TMC1: variants seen among roughly 807,000 people sequenced by gnomAD.
TMC1 encodes transmembrane channel like 1.
Under a neutral mutation model 105.8 loss-of-function variants are expected in TMC1, and 84 were observed. The ratio of observed to expected loss-of-function variants is 0.79; its 90% confidence interval spans 0.67 to 0.95. The LOEUF (loss-of-function observed/expected upper bound fraction) is 0.95. Among genes scored for constraint, TMC1 ranks in the 40% least tolerant of loss-of-function variants. TMC1 has a pLI of 0.00. For synonymous variants in TMC1, 315 were observed against 311.5 expected (o/e 1.01, Z -0.12); for missense variants, 817 against 914.1 (o/e 0.89, Z 1.37).
chr9:72,748,457 G>A (rs896436309), intron 10 of TMC1, among the ~76,000 whole-genome samples: 1 of 152,110 alleles, frequency 6.6e-6, no homozygotes, highest in Non-Finnish European at 1.5e-5. Context: ...TTAAGTTCTA[G>A]TGGCAGCATA....
chr9:72,787,017 CAA>C (rs79774726), intron 13 of TMC1, among the ~76,000 whole-genome samples: 102 of 101,488 alleles, frequency 1.0e-3, no homozygotes, highest in Non-Finnish European at 1.0e-3. Flanking sequence ...TTTTGGCCTC[CAA>C]AAAAAAAAAA....
intron 8 of TMC1, among the ~76,000 whole-genome samples, chr9:72,725,033 G>T (rs1305958234): frequency 1.3e-5 from 2 of 151,768 alleles, no homozygotes; most frequent in African/African-American, 4.8e-5. Flanking sequence ...GCTGTTTTGG[G>T]GAAGAGTTAT....
Position 72,832,950 on chromosome 9 carries a change from C to T in TMC1, c.2260+2268C>T, listed in dbSNP as rs1034891578. Among the ~76,000 whole-genome samples, 15 of 152,258 alleles carry T rather than the reference C, an allele frequency of 9.9e-5. No homozygotes were observed. In the South Asian group the frequency reaches 3.1e-3, roughly 32 times the overall value. ...TCCCCTGCACTCAAATACCCTAAGA[C>T]AAACACTTTCAATTTGTTAGTTGAT... On this transcript the variant is annotated intron_variant, in intron 23 of 23. Transcript: ENST00000297784.
chr9:72,791,924 A>G lies in TMC1; in HGVS notation c.1263A>G (p.Pro421=), dbSNP rs139985214. Residue 421 remains proline, a synonymous_variant, in exon 16 of 24, where the codon CCA becomes CCG. Coordinates refer to ENST00000297784, the MANE Select transcript of TMC1 (RefSeq NM_138691.3). ...MVMSLLGMFC[P]TLFDLFAELE... ...TGTCCCTCCTAGGGATGTTCTGTCC[A>G]ACATTGTTTGACTTATTTGCTGAAT... 92 of 1,613,472 alleles carry G rather than the reference A, an allele frequency of 5.7e-5. No homozygotes were observed. The Middle Eastern group carries it at 3.7e-3, about 65-fold the overall frequency.
At chr9:72,573,322 A>T (rs917231728) in intron 1 of TMC1, among the ~76,000 whole-genome samples, 12 of 152,214 alleles carry the variant, frequency 7.9e-5, no homozygotes, top group Admixed American at 5.2e-4. Flanking sequence ...AATTCAGAAT[A>T]AAGAACTATA....
intron 3 of TMC1, among the ~76,000 whole-genome samples, chr9:72,620,815 G>A (rs558666563): frequency 2.9e-4 from 44 of 152,186 alleles, no homozygotes; most frequent in African/African-American, 1.0e-3. Flanking sequence ...AAAGAATAAA[G>A]GCAATTGACT....
intron 2 of TMC1, among the ~76,000 whole-genome samples, chr9:72,597,564 G>C (rs997641003): frequency 6.6e-6 from 1 of 152,122 alleles, no homozygotes; most frequent in Admixed American, 6.5e-5. Flanking sequence ...TCTTACCCTG[G>C]GTCCTGAGTA....
intron 1 of TMC1, among the ~76,000 whole-genome samples, chr9:72,530,128 C>T (rs1299725498): frequency 2.0e-5 from 3 of 152,076 alleles, no homozygotes; most frequent in South Asian, 2.1e-4. Flanking sequence ...AATCCCAGGT[C>T]GGTGTGGGAG....
chr9:72,663,130 A>G (rs559703101), intron 5 of TMC1, among the ~76,000 whole-genome samples: 1 of 152,338 alleles, frequency 6.6e-6, no homozygotes, highest in Non-Finnish European at 1.5e-5. Flanking sequence ...TTGAAGGGCC[A>G]GGGAATGGTG....
At chr9:72,656,048 T>C (rs1825879884) in intron 5 of TMC1, 1 of 721,920 alleles carries the variant, frequency 1.4e-6, no homozygotes. Flanking sequence ...CTTTTCACTT[T>C]GAGATTCTTT....
Position 72,705,108 on chromosome 9 carries a change from A to T in TMC1, c.362+4465A>T, listed in dbSNP as rs370991460. 1.6e-3 allele frequency among the ~76,000 whole-genome samples: 237 copies of T among 152,316 alleles called. 2 individuals carry two copies. The highest frequency in any genetic ancestry group is 5.6e-3 in the African/African-American group (232 of 41,578). On this transcript the variant is annotated intron_variant, in intron 8 of 23. Coordinates refer to ENST00000297784, the MANE Select transcript of TMC1 (RefSeq NM_138691.3). ...ATGGGTTTAATTCAGAGGCTGTATG[A>T]CTAGATCTTTCCTACCTATAAGAGG...
intron 15 of TMC1, 89 bp downstream of exon 15, chr9:72,789,406 C>A: frequency 1.6e-6 from 2 of 1,248,546 alleles, no homozygotes; most frequent in Admixed American, 1.7e-5. Flanking sequence ...TTTAAAAAGG[C>A]CACCCTTTAC....
intron 4 of TMC1, among the ~76,000 whole-genome samples, chr9:72,632,733 C>T (rs530490698): frequency 1.3e-5 from 2 of 152,126 alleles, no homozygotes; most frequent in South Asian, 4.1e-4. Context: ...AAAAATGCTG[C>T]AATAACATTC....
At chr9:72,784,094 TGCA>T (rs1252293631) in intron 13 of TMC1, among the ~76,000 whole-genome samples, 1 of 152,140 alleles carries the variant, frequency 6.6e-6, no homozygotes, top group Non-Finnish European at 1.5e-5. Flanking sequence ...AAAGAACTTC[TGCA>T]CAGCAAAAGA....
At chr9:72,789,875 G>GCATCTC (rs1258608267) in intron 15 of TMC1, among the ~76,000 whole-genome samples, 1 of 152,170 alleles carries the variant, frequency 6.6e-6, no homozygotes, top group Non-Finnish European at 1.5e-5. Flanking sequence ...CCTAACTGCA[G>GCATCTC]CATCTCCATC....
At chr9:72,825,399 A>G (rs1320605634) in intron 20 of TMC1, among the ~76,000 whole-genome samples, 2 of 152,226 alleles carry the variant, frequency 1.3e-5, no homozygotes, top group African/African-American at 4.8e-5. Flanking sequence ...AGGAGAAGGC[A>G]TTGCCAGGGA....
At chr9:72,700,808 CTA>C (rs903676644) in intron 8 of TMC1, 165 bp downstream of exon 8, 2 of 255,656 alleles carry the variant, frequency 7.8e-6, no homozygotes, top group African/African-American at 2.4e-5. Context: ...ATATGTAATA[CTA>C]TATATATCAT....
chr9:72,542,049 C>T (rs1170643370), intron 1 of TMC1, among the ~76,000 whole-genome samples: 1 of 152,126 alleles, frequency 6.6e-6, no homozygotes, highest in African/African-American at 2.4e-5. Flanking sequence ...AGAGGCCGGG[C>T]GTGGTGGTTC....
At chr9:72,690,522 G>A (rs1826447357) in intron 6 of TMC1, among the ~76,000 whole-genome samples, 1 of 151,954 alleles carries the variant, frequency 6.6e-6, no homozygotes. Context: ...AAAGTCTAGG[G>A]GTGATTAACT....
Sources: allele counts gnomAD v4.1 joint callset (sites outside exome capture counted in the v4.1 genomes callset), GRCh38; gene constraint gnomAD v4.1.1; transcripts MANE v1.5; gene names NCBI Gene and HGNC (gene_info 2026-07-23, HGNC 2026-07-21).